The following ACD variants were observed in gnomAD, a reference collection of about 807,000 sequenced individuals.
ACD encodes the protein adrenocortical dysplasia protein homolog.
In ACD, 39 loss-of-function variants were observed where a neutral mutation model predicts 53.9. The observed-to-expected ratio is 0.72, with a 90% CI of 0.56 to 0.95. ACD has a LOEUF of 0.95. ACD is among the 40% of genes least tolerant of loss of function. The probability of loss-of-function intolerance (pLI) is 0.00; values close to 1 mark genes in which losing one functional copy is unlikely to be tolerated. For synonymous variants in ACD, 273 were observed against 249.2 expected (o/e 1.10, Z -0.90); for missense variants, 526 against 587.9 (o/e 0.89, Z 1.09).
intron 9 of ACD, 92 bp downstream of exon 9, chr16:67,658,463 C>T: frequency 1.3e-6 from 2 of 1,597,178 alleles, no homozygotes; most frequent in Non-Finnish European, 1.7e-6. Flanking sequence ...GTTCATCCCC[C>T]ACCCACCGTG....
chr16:67,658,327 C>T lies in ACD; in HGVS notation c.865G>A (p.Glu289Lys). ...PALPGHMSSE[E>K]SGTSISLLPA... is the part of the protein sequence containing the mutation. ...AGAAGGCTGATGCTGGTACCACTTT[C>T]CTCGGATGACATGTGGCCGGGTAAG... Residue 289 changes from glutamate to lysine, a missense_variant, in exon 10 of 12, where the codon GAA (glutamate) becomes AAA (lysine). Coordinates refer to ENST00000620761, the MANE Select transcript of ACD (RefSeq NM_001082486.2). The T allele has an allele frequency of 6.2e-7, 1 of 1,613,854 alleles. No individual in the cohort carries two copies. Among genetic ancestry groups the T allele is most frequent in the Non-Finnish European group, 8.5e-7 (1 of 1,180,012 alleles).
intron 3 of ACD, 25 bp downstream of exon 3, chr16:67,659,677 C>CTTG: frequency 6.2e-7 from 1 of 1,612,986 alleles, no homozygotes; most frequent in Non-Finnish European, 8.5e-7. Flanking sequence ...CCCGGTAACC[C>CTTG]GCCCAAGGCA....
Position 67,658,608 on chromosome 16 carries a change from T to C in ACD, c.776A>G (p.Gln259Arg), listed in dbSNP as rs1340829515. Residue 259 changes from glutamine to arginine, a missense_variant, in exon 9 of 12, where the codon CAG (glutamine) becomes CGG (arginine). Gln to Arg is a conservative substitution (Grantham distance 43). Transcript: ENST00000620761. ...PELPPPDPAL[Q>R]DLSLTLIASP... Reference sequence around the variant, plus strand: ...GGCTATGAGGGTCAGAGATAGGTCCTGCAGAGCCGGGTCTGGTGGGGGCAG... The same window carrying C: ...GGCTATGAGGGTCAGAGATAGGTCCCGCAGAGCCGGGTCTGGTGGGGGCAG... 6.3e-7 allele frequency: 1 copy of C among 1,576,220 alleles called. No homozygotes were observed. Among genetic ancestry groups the C allele is most frequent in the Non-Finnish European group, 8.6e-7 (1 of 1,159,888 alleles).
At position 67,659,633 on chromosome 16, in the gene ACD, A is replaced by AG. The variant is rs745664221; in HGVS notation, c.337-21dup. 2,097 of 1,612,970 alleles carry AG rather than the reference A, an allele frequency of 1.3e-3. 7 individuals are homozygous for AG. The highest frequency in any genetic ancestry group is 1.8e-3 in the Middle Eastern group (11 of 6,060). Reference sequence around the variant, plus strand: ...TGCGGGCTGGAGGAGTTCGGGGGGAAGGGGGGGTCTCAGAATCGTCACGAA... The same window carrying AG: ...TGCGGGCTGGAGGAGTTCGGGGGGAAGGGGGGGGTCTCAGAATCGTCACGAA... On this transcript the variant is annotated intron_variant, in intron 3 of 11. Coordinates refer to ENST00000620761, the MANE Select transcript of ACD (RefSeq NM_001082486.2).
intron 8 of ACD, 26 bp downstream of exon 8, chr16:67,658,694 C>G (rs1254728209): frequency 2.5e-6 from 4 of 1,597,900 alleles, no homozygotes; most frequent in Non-Finnish European, 3.4e-6. Context: ...CCCAGGTATC[C>G]CCCCAACCTC....
rs375257354 is a variant in ACD at position 67,659,912 on chromosome 16, G to T, written c.233C>A (p.Thr78Asn). 3.8e-6 allele frequency: 6 copies of T among 1,597,096 alleles called. No homozygotes were observed. Among genetic ancestry groups the T allele is most frequent in the Non-Finnish European group, 2.6e-6 (3 of 1,171,978 alleles). Residue 78 changes from threonine (T) to asparagine (N), a missense_variant, in exon 2 of 12, where the codon ACC (threonine) becomes AAC (asparagine). Transcript: ENST00000620761. ...GCGCGGGGCCTCTCACCAGTCCGAG[G>T]TGTCCAGGGCCTCCCGCGTCACCAG... ...RCLVTREALD[T>N]SDWEEKEFGF... is the part of the protein sequence containing the mutation.
chr16:67,658,470 C>T lies in ACD; in HGVS notation c.829+85G>A, dbSNP rs72549180. 1,834 of 1,592,982 alleles carry T rather than the reference C, an allele frequency of 1.2e-3. 21 individuals carry two copies. The African/African-American group carries it at 0.022, about 19-fold the overall frequency. ...GGGACCGTGTTCATCCCCCACCCACCGTGCACCTTTCACAGCATCCTGCGC... is the reference window on the plus strand; with the variant it reads ...GGGACCGTGTTCATCCCCCACCCACTGTGCACCTTTCACAGCATCCTGCGC... On this transcript the variant is annotated intron_variant, in intron 9 of 11. Transcript: ENST00000620761.
chr16:67,657,596 G>C lies in ACD; in HGVS notation c.*10C>G, dbSNP rs377225666. The C allele has an allele frequency of 6.2e-7, 1 of 1,614,030 alleles. No individual in the cohort carries two copies. The highest frequency in any genetic ancestry group is 1.3e-5 in the African/African-American group (1 of 74,924). On this transcript the variant is annotated 3_prime_UTR_variant, in exon 12 of 12. Transcript: ENST00000620761. The surrounding 1 kb of genome is among the most constrained non-coding windows in gnomAD (Gnocchi z 4.5). The stretch of plus-strand genomic sequence containing the variant: ...CAGAGTGTGGAGCGGTATCTGTCCT[G>C]CGTGACGTCTCACATCGGAGTTGGC...
At position 67,660,258 on chromosome 16, in the gene ACD, T is replaced by A. The variant is rs1022549385; in HGVS notation, c.-38A>T. 1.2e-6 allele frequency: 2 copies of A among 1,612,160 alleles called. No homozygotes were observed. The highest frequency in any genetic ancestry group is 2.7e-5 in the African/African-American group (2 of 74,906). On this transcript the variant is annotated 5_prime_UTR_variant, in exon 1 of 12. Coordinates refer to ENST00000620761, the MANE Select transcript of ACD (RefSeq NM_001082486.2). ...ACCCAGCGGATGCAACGGGCCCGGGTTTCCCGCGGGCGCCCAGGCCCCGCC... is the reference window on the plus strand; with the variant it reads ...ACCCAGCGGATGCAACGGGCCCGGGATTCCCGCGGGCGCCCAGGCCCCGCC...
At chr16:67,659,458 C>T (rs779585739) in intron 4 of ACD, 39 bp from the exon 5 acceptor site, 8 of 1,613,944 alleles carry the variant, frequency 5.0e-6, no homozygotes, top group Middle Eastern at 1.6e-4. Context: ...GGGCCCAAGC[C>T]CTCCTACCCC....
Position 67,658,181 on chromosome 16 carries a change from G to C in ACD, c.1011C>G (p.Pro337=). The C allele has an allele frequency of 2.5e-6, 4 of 1,611,402 alleles. No homozygotes were observed. The highest frequency in any genetic ancestry group is 3.4e-6 in the Non-Finnish European group (4 of 1,178,640). The change falls in exon 10 of 12, where the codon CCC becomes CCG. Residue 337 remains proline, a synonymous_variant. Coordinates refer to ENST00000620761, the MANE Select transcript of ACD (RefSeq NM_001082486.2). ...TPRSPHASRT[P]SSPLQSCTPS... ...GAGTGCAGCTCTGGAGTGGGGAGCTGGGGGTACGGCTGGCGTGTGGGGACC... is the reference window on the plus strand; with the variant it reads ...GAGTGCAGCTCTGGAGTGGGGAGCTCGGGGTACGGCTGGCGTGTGGGGACC...
rs2052918579 is a variant in ACD at position 67,658,359 on chromosome 16, G to A, written c.833C>T (p.Thr278Ile). The change falls in exon 10 of 12, where the codon ACC (threonine) becomes ATC (isoleucine). Residue 278 changes from threonine (T) to isoleucine (I), a missense_variant. Coordinates refer to ENST00000620761, the MANE Select transcript of ACD (RefSeq NM_001082486.2). Reference protein sequence around the residue: ...SPPSSPSSSGTPALPGHMSSE... With the variant: ...SPPSSPSSSGIPALPGHMSSE... ...TGACATGTGGCCGGGTAAGGCCGGG[G>A]TTCCTGAGGAGGAGGGGACTTATTG... The A allele has an allele frequency of 6.2e-7, 1 of 1,613,668 alleles. No homozygotes were observed. The highest frequency in any genetic ancestry group is 1.1e-5 in the South Asian group (1 of 91,084).
In ACD at chr16:67,657,563, A is replaced by G. The variant is rs764250425; in HGVS notation, c.*43T>C. 2 of 1,613,984 alleles carry G rather than the reference A, an allele frequency of 1.2e-6. No individual in the cohort carries two copies. Among genetic ancestry groups the G allele is most frequent in the Non-Finnish European group, 1.7e-6 (2 of 1,179,868 alleles). On this transcript the variant is annotated 3_prime_UTR_variant, in exon 12 of 12. Coordinates refer to ENST00000620761, the MANE Select transcript of ACD (RefSeq NM_001082486.2). The surrounding 1 kb of genome is among the most constrained non-coding windows in gnomAD (Gnocchi z 4.5). ...ATGAGATTATTTTATTAAAAAACTC[A>G]AAGGAAGCAGAGTGTGGAGCGGTAT... is the stretch of plus-strand genomic sequence containing the variant.
In ACD at chr16:67,657,582, G is replaced by A; in HGVS notation, c.*24C>T. 6.2e-7 allele frequency: 1 copy of A among 1,614,128 alleles called. No homozygotes were observed. The highest frequency in any genetic ancestry group is 8.5e-7 in the Non-Finnish European group (1 of 1,179,992). The stretch of plus-strand genomic sequence containing the variant: ...AAACTCAAAGGAAGCAGAGTGTGGA[G>A]CGGTATCTGTCCTGCGTGACGTCTC... On this transcript the variant is annotated 3_prime_UTR_variant, in exon 12 of 12. Transcript: ENST00000620761. The surrounding 1 kb of genome is among the most constrained non-coding windows in gnomAD (Gnocchi z 4.5).
In ACD at chr16:67,657,728, G is replaced by A; in HGVS notation, c.1298+34C>T. 4 of 1,614,014 alleles carry A rather than the reference G, an allele frequency of 2.5e-6. No individual in the cohort carries two copies. Among genetic ancestry groups the A allele is most frequent in the Non-Finnish European group, 3.4e-6 (4 of 1,179,960 alleles). ...TGCAGGTCAATGGAGCCTGGGACTA[G>A]TGACCAAGAGTTGGGGCAGACCCAG... is the stretch of plus-strand genomic sequence containing the variant. On this transcript the variant is annotated intron_variant, in intron 11 of 11. Coordinates refer to ENST00000620761, the MANE Select transcript of ACD (RefSeq NM_001082486.2). This position sits in a 1 kb window ranked among gnomAD's most constrained non-coding sequence, Gnocchi z 4.5.
chr16:67,659,643 T>C, intron 3 of ACD, 30 bp from the exon 4 acceptor site: 2 of 1,612,830 alleles, frequency 1.2e-6, no homozygotes, highest in Middle Eastern at 1.6e-4. Flanking sequence ...AGGGGGGGTC[T>C]CAGAATCGTC....
chr16:67,660,095 G>T, intron 1 of ACD, 27 bp downstream of exon 1: 1 of 1,611,964 alleles, frequency 6.2e-7, no homozygotes, highest in Admixed American at 1.7e-5. Context: ...CTCCGCCTCG[G>T]TCTCCGGGCC....
In ACD at chr16:67,657,898, A is replaced by G. The variant is rs973346891; in HGVS notation, c.1207-45T>C. ...TGGGGAAGAGCTAACAAGGACCCCAACCCCATCCAAGGCTACCCATGCTCC... is the reference window on the plus strand; with the variant it reads ...TGGGGAAGAGCTAACAAGGACCCCAGCCCCATCCAAGGCTACCCATGCTCC... On this transcript the variant is annotated intron_variant, in intron 10 of 11. Coordinates refer to ENST00000620761, the MANE Select transcript of ACD (RefSeq NM_001082486.2). The surrounding 1 kb of genome is among the most constrained non-coding windows in gnomAD (Gnocchi z 4.5). 3 of 1,612,846 alleles carry G rather than the reference A, an allele frequency of 1.9e-6. No homozygotes were observed. Among genetic ancestry groups the G allele is most frequent in the Non-Finnish European group, 2.5e-6 (3 of 1,179,592 alleles).
chr16:67,658,390 A>T (rs1336919461), intron 9 of ACD, 28 bp from the exon 10 acceptor site: 1 of 1,613,056 alleles, frequency 6.2e-7, no homozygotes, highest in East Asian at 2.2e-5. Context: ...TATTGTAGGC[A>T]CAGCCCTCTC....
Sources: gnomAD v4.1 joint callset for allele counts on GRCh38, gnomAD v4.1.1 for gene constraint, Gnocchi (gnomAD v3.1) non-coding constraint, MANE v1.5 for transcripts, NCBI Gene and HGNC (gene_info 2026-07-23, HGNC 2026-07-21) for gene names.